The following ZNF214 variants were observed in gnomAD, a reference collection of about 807,000 sequenced individuals.
ZNF214 encodes the protein zinc finger protein 214.
In ZNF214, 43 loss-of-function variants were observed where a neutral mutation model predicts 53.9. That is an observed-to-expected ratio of 0.80 (90% CI 0.63 to 1.03). The LOEUF (loss-of-function observed/expected upper bound fraction) is 1.03. Ranked by LOEUF, ZNF214 falls within the 50% of genes least tolerant of loss-of-function variation. ZNF214 has a pLI of 0.00. For synonymous variants in ZNF214, 217 were observed against 229.5 expected (o/e 0.95, Z 0.49); for missense variants, 724 against 719.1 (o/e 1.01, Z -0.08).
chr11:6,999,988 A>G lies in ZNF214; in HGVS notation c.1695T>C (p.His565=), dbSNP rs753704665. 3 of 1,613,228 alleles carry G rather than the reference A, an allele frequency of 1.9e-6. No individual in the cohort carries two copies. The highest frequency in any genetic ancestry group is 2.2e-5 in the South Asian group (2 of 91,052). The change falls in exon 3 of 3, where the codon CAT becomes CAC. Residue 565 remains histidine, a synonymous_variant. Coordinates refer to ENST00000278314, the MANE Select transcript of ZNF214 (RefSeq NM_013249.4). ...QCAKCGKGFS[H]SSALRIHQRV... ...TTTGATGAATTCGAAGAGCTGAGCT[A>G]TGACTGAAACCTTTACCACACTTAG...
chr11:7,014,176 G>A (rs1321135868), intron 1 of ZNF214, among the ~76,000 whole-genome samples: 4 of 152,296 alleles, frequency 2.6e-5, no homozygotes, highest in African/African-American at 9.6e-5. Flanking sequence ...CTGCATATCT[G>A]AGAGATCCAA....
At chr11:7,010,591 T>A (rs926477993) in intron 1 of ZNF214, among the ~76,000 whole-genome samples, 1 of 130,634 alleles carries the variant, frequency 7.7e-6, no homozygotes, top group African/African-American at 2.9e-5. Context: ...TGGCTAGAAA[T>A]AAATCATTCA....
intron 1 of ZNF214, among the ~76,000 whole-genome samples, chr11:7,006,758 A>G (rs557202691): frequency 6.6e-6 from 1 of 152,082 alleles, no homozygotes; most frequent in Admixed American, 6.6e-5. Flanking sequence ...TGACAGTTTT[A>G]TGCTTTAATT....
intron 1 of ZNF214, among the ~76,000 whole-genome samples, chr11:7,003,857 A>G (rs1431822283): frequency 6.6e-6 from 1 of 151,974 alleles, no homozygotes; most frequent in African/African-American, 2.4e-5. Flanking sequence ...ATTCAGAGCC[A>G]TGTATTTAAA....
chr11:7,019,339 A>G (rs1589850980), intron 1 of ZNF214, among the ~76,000 whole-genome samples: 1 of 152,180 alleles, frequency 6.6e-6, no homozygotes, highest in East Asian at 1.9e-4. Flanking sequence ...CTTGAAATTT[A>G]TTTCCAACCC....
At chr11:7,014,399 A>G (rs891298031) in intron 1 of ZNF214, among the ~76,000 whole-genome samples, 4 of 152,246 alleles carry the variant, frequency 2.6e-5, no homozygotes, top group Admixed American at 2.6e-4. Flanking sequence ...GAAATAGTAC[A>G]CAGCTGTGAA....
chr11:6,999,278 A>G lies in ZNF214; in HGVS notation c.*584T>C, dbSNP rs1278592840. The G allele has an allele frequency of 6.6e-6, 1 of 152,358 alleles. No homozygotes were observed. Among genetic ancestry groups the G allele is most frequent in the Admixed American group, 6.6e-5 (1 of 15,244 alleles). The allele number at this position is 152,358 out of a possible 1,614,324, so 9.4% of individuals were successfully genotyped here. ...TCCCTGGGTTTTCTGGTTGACAGAGATAACAACTCAGATACACTGTCTCAG... is the reference window on the plus strand; with the variant it reads ...TCCCTGGGTTTTCTGGTTGACAGAGGTAACAACTCAGATACACTGTCTCAG... On this transcript the variant is annotated 3_prime_UTR_variant, in exon 3 of 3. Coordinates refer to ENST00000278314, the MANE Select transcript of ZNF214 (RefSeq NM_013249.4).
In ZNF214 at chr11:7,001,409, A is replaced by T; in HGVS notation, c.274T>A (p.Ser92Thr). ...NYGETVQGTD[S>T]KDLTQQDRSQ... ...CGATCTTGCTGTGTGAGGTCTTTGG[A>T]ATCTGTCCCTTGAACAGTTTCCCCA... The change falls in exon 3 of 3, where the codon TCC (serine) becomes ACC (threonine). Residue 92 changes from serine to threonine, a missense_variant. Ser to Thr is a moderately conservative substitution (Grantham distance 58). Transcript: ENST00000278314. 1 of 1,613,250 alleles carries T rather than the reference A, an allele frequency of 6.2e-7. No individual in the cohort carries two copies. Among genetic ancestry groups the T allele is most frequent in the Non-Finnish European group, 8.5e-7 (1 of 1,179,412 alleles).
At chr11:7,013,021 G>A (rs1365204322) in intron 1 of ZNF214, among the ~76,000 whole-genome samples, 1 of 152,168 alleles carries the variant, frequency 6.6e-6, no homozygotes, top group African/African-American at 2.4e-5. Context: ...CAATTCCAGG[G>A]TGGCTAACTC....
At chr11:7,014,265 AC>A (rs1851690888) in intron 1 of ZNF214, among the ~76,000 whole-genome samples, 1 of 152,234 alleles carries the variant, frequency 6.6e-6, no homozygotes, top group South Asian at 2.1e-4. Flanking sequence ...TATAAACTAG[AC>A]ATTACACATG....
In ZNF214 at chr11:6,999,818, G is replaced by A. The variant is rs530683665; in HGVS notation, c.*44C>T. 8 of 1,540,002 alleles carry A rather than the reference G, an allele frequency of 5.2e-6. No homozygotes were observed. The Admixed American group carries it at 1.4e-4, about 26-fold the overall frequency. ...ACAGCAGGATTTATAGGGTTTAAAGGTTAGGTAAACTTTGATTAAAGCTGT... is the reference window on the plus strand; with the variant it reads ...ACAGCAGGATTTATAGGGTTTAAAGATTAGGTAAACTTTGATTAAAGCTGT... On this transcript the variant is annotated 3_prime_UTR_variant, in exon 3 of 3. Coordinates refer to ENST00000278314, the MANE Select transcript of ZNF214 (RefSeq NM_013249.4).
chr11:7,004,368 CT>C (rs933003194), intron 1 of ZNF214, among the ~76,000 whole-genome samples: 1 of 141,742 alleles, frequency 7.1e-6, no homozygotes, highest in Admixed American at 7.4e-5. Flanking sequence ...CTGCAATTTT[CT>C]TTTTTTCATT....
At chr11:7,004,287 C>G (rs1365808964) in intron 1 of ZNF214, among the ~76,000 whole-genome samples, 1 of 152,052 alleles carries the variant, frequency 6.6e-6, no homozygotes, top group Non-Finnish European at 1.5e-5. Context: ...TGTGTTCTAA[C>G]CTTCTTCCAT....
At chr11:7,018,479 AC>A (rs927257243) in intron 1 of ZNF214, among the ~76,000 whole-genome samples, 1 of 128,524 alleles carries the variant, frequency 7.8e-6, no homozygotes, top group African/African-American at 3.0e-5. Context: ...ATAGTTTATT[AC>A]CCCCAATGTT....
rs189231309 is a variant in ZNF214, at chr11:6,997,186, T to C, written c.*2676A>G. Among the ~76,000 whole-genome samples the C allele has an allele frequency of 6.6e-6, 1 of 152,048 alleles. No homozygotes were observed. Among genetic ancestry groups the C allele is most frequent in the East Asian group, 1.9e-4 (1 of 5,182 alleles). On this transcript the variant is annotated 3_prime_UTR_variant, in exon 3 of 3. Transcript: ENST00000278314. ...ACATTTCCTGAATATTCCAAGAATTTAGAAAACTAATGATTTTGTATTTTT... is the reference window on the plus strand; with the variant it reads ...ACATTTCCTGAATATTCCAAGAATTCAGAAAACTAATGATTTTGTATTTTT...
At position 7,000,968 on chromosome 11, in the gene ZNF214, T is replaced by C. The variant is rs200004070; in HGVS notation, c.715A>G (p.Arg239Gly). ...CAGAGGTTTTCTCCAGGTTGATTTC[T>C]CTTGTGGAAAACACACCGTGAGTTC... ...YWNSRCVFHKRNQPGENLCQC... is the reference protein window; with the variant it reads ...YWNSRCVFHKGNQPGENLCQC... The change falls in exon 3 of 3, where the codon AGA (arginine) becomes GGA (glycine). Residue 239 changes from arginine (R) to glycine (G), a missense_variant. Transcript: ENST00000278314. 1.2e-5 allele frequency: 20 copies of C among 1,613,010 alleles called. No individual in the cohort carries two copies. The highest frequency in any genetic ancestry group is 2.2e-5 in the East Asian group (1 of 44,854).
chr11:6,998,775 G>T lies in ZNF214; in HGVS notation c.*1087C>A, dbSNP rs1851245722. ...AATTTTCAGGGCAATAAGTTTCCAG[G>T]TCTTTAGGATGATATTCTTTTCTTC... On this transcript the variant is annotated 3_prime_UTR_variant, in exon 3 of 3. Transcript: ENST00000278314. Among the ~76,000 whole-genome samples the T allele has an allele frequency of 6.6e-6, 1 of 151,852 alleles. No individual in the cohort carries two copies. The highest frequency in any genetic ancestry group is 2.4e-5 in the African/African-American group (1 of 41,362).
rs1379342858 is a variant in ZNF214 at position 6,999,858 on chromosome 11, A to C, written c.*4T>G. 1 of 1,595,286 alleles carries C rather than the reference A, an allele frequency of 6.3e-7. No individual in the cohort carries two copies. The highest frequency in any genetic ancestry group is 8.5e-7 in the Non-Finnish European group (1 of 1,170,730). On this transcript the variant is annotated 3_prime_UTR_variant, in exon 3 of 3. Coordinates refer to ENST00000278314, the MANE Select transcript of ZNF214 (RefSeq NM_013249.4). ...ATTAAAGCTGTTAACTAAATGAACA[A>C]TATTTATAAGTTTCCTCTTCTATGA...
intron 1 of ZNF214, among the ~76,000 whole-genome samples, chr11:7,019,473 C>T (rs543508825): frequency 2.6e-5 from 4 of 152,152 alleles, no homozygotes; most frequent in East Asian, 1.9e-4. Flanking sequence ...TTATTTTGTT[C>T]AGTTTAAGTA....
Sources: allele counts gnomAD v4.1 joint callset (sites outside exome capture counted in the v4.1 genomes callset), GRCh38; gene constraint gnomAD v4.1.1; transcripts MANE v1.5; gene names NCBI Gene and HGNC (gene_info 2026-07-23, HGNC 2026-07-21).